Variants in COX10 observed in about 807,000 individuals in gnomAD.
COX10 encodes cytochrome c oxidase assembly factor heme A:farnesyltransferase COX10, also known as protoheme IX farnesyltransferase, mitochondrial.
COX10 carries 27 observed loss-of-function variants against 37.3 expected under a neutral mutation model. The ratio of observed to expected loss-of-function variants is 0.72; its 90% CI spans 0.53 to 1.00. The LOEUF (loss-of-function observed/expected upper bound fraction) is 1.00, where lower values mean the gene tolerates loss of function less well. Ranked by LOEUF, COX10 falls within the 50% of genes least tolerant of loss-of-function variation. The pLI is 0.00. For missense variants in COX10, 475 were observed against 563.2 expected (o/e 0.84, Z 1.59); for synonymous variants, 222 against 229.1 (o/e 0.97, Z 0.28).
intron 6 of COX10, among the ~76,000 whole-genome samples, chr17:14,193,716 G>A (rs986943701): frequency 4.0e-5 from 6 of 148,734 alleles, no homozygotes; most frequent in African/African-American, 1.5e-4. Context: ...CACACCACCA[G>A]CCCTCCTGCT....
rs1159304522 is a variant in COX10, at chr17:14,076,810, G to A, written c.253G>A (p.Glu85Lys). ...AGAACCAGTAGCATCTCCTTTCCTT[G>A]AAAAAACATCTTCAGGTCAAGCCAA... ...KPEPVASPFL[E>K]KTSSGQAKAE... is the part of the protein sequence containing the mutation. The change falls in exon 3 of 7, where the codon GAA becomes AAA. Residue 85 changes from glutamate to lysine, a missense_variant. By Grantham distance (56) the Glu-to-Lys change is moderately conservative. Transcript: ENST00000261643. 1 of 1,614,036 alleles carries A rather than the reference G, an allele frequency of 6.2e-7. No individual in the cohort carries two copies. Among genetic ancestry groups the A allele is most frequent in the South Asian group, 1.1e-5 (1 of 91,072 alleles).
intron 6 of COX10, among the ~76,000 whole-genome samples, chr17:14,192,619 G>A (rs1029910944): frequency 6.6e-5 from 10 of 152,304 alleles, no homozygotes; most frequent in South Asian, 4.1e-4. Context: ...TTCGTCTCAC[G>A]AGCCAGCCTC....
chr17:14,105,165 G>A (rs903732276), intron 4 of COX10, among the ~76,000 whole-genome samples: 6 of 152,084 alleles, frequency 3.9e-5, no homozygotes, highest in African/African-American at 1.4e-4. Flanking sequence ...ATTTTACCTA[G>A]ATTACATATA....
At chr17:14,092,891 C>T (rs1915559480) in intron 3 of COX10, among the ~76,000 whole-genome samples, 2 of 152,132 alleles carry the variant, frequency 1.3e-5, no homozygotes, top group African/African-American at 4.8e-5. Context: ...TAACTCCTTC[C>T]TCTGAATTAA....
At chr17:14,073,401 T>G (rs17609338) in intron 1 of COX10, among the ~76,000 whole-genome samples, 23,101 of 152,098 alleles carry the variant, frequency 0.15, 1,930 homozygotes, top group Non-Finnish European at 0.19. Context: ...AATGGTTTTA[T>G]GTACAATAGG....
At chr17:14,149,824 T>C (rs1036802873) in intron 4 of COX10, among the ~76,000 whole-genome samples, 4 of 152,146 alleles carry the variant, frequency 2.6e-5, no homozygotes, top group Non-Finnish European at 4.4e-5. Context: ...CCCATTTTCC[T>C]TTGAGCTAGT....
chr17:14,078,083 G>A (rs1567585964), intron 3 of COX10, among the ~76,000 whole-genome samples: 2 of 152,104 alleles, frequency 1.3e-5, no homozygotes, highest in African/African-American at 4.8e-5. Context: ...GAGCTAAAAA[G>A]TCTTAGTAAG....
At chr17:14,161,303 A>G (rs1451708532) in intron 5 of COX10, among the ~76,000 whole-genome samples, 1 of 152,230 alleles carries the variant, frequency 6.6e-6, no homozygotes, top group East Asian at 1.9e-4. Context: ...CAAAATTCCT[A>G]AAGTCTAGAA....
chr17:14,204,420 C>G (rs1007483392), intron 6 of COX10, among the ~76,000 whole-genome samples: 5 of 151,914 alleles, frequency 3.3e-5, no homozygotes, highest in African/African-American at 1.2e-4. Context: ...ATCCATAAGC[C>G]CAGGATCCAT....
intron 6 of COX10, among the ~76,000 whole-genome samples, chr17:14,201,577 C>A (rs1597549472): frequency 6.6e-6 from 1 of 152,174 alleles, no homozygotes; most frequent in Admixed American, 6.5e-5. Context: ...AAAAGGAGGG[C>A]TTTTGAGAAA....
intron 5 of COX10, among the ~76,000 whole-genome samples, chr17:14,184,337 C>CA (rs1456463071): frequency 6.6e-6 from 1 of 152,100 alleles, no homozygotes; most frequent in Non-Finnish European, 1.5e-5. Flanking sequence ...GAATGCAGAC[C>CA]ACCTGATCCT....
intron 4 of COX10, among the ~76,000 whole-genome samples, chr17:14,152,716 G>T (rs75822465): frequency 1.2e-4 from 18 of 152,306 alleles, no homozygotes; most frequent in African/African-American, 4.1e-4. Context: ...ACTAGACCAC[G>T]TGGCTGTCTC....
At chr17:14,119,730 A>G (rs1916190039) in intron 4 of COX10, among the ~76,000 whole-genome samples, 1 of 152,196 alleles carries the variant, frequency 6.6e-6, no homozygotes, top group African/African-American at 2.4e-5. Context: ...AGCGTGGTTT[A>G]GAAAAACTGA....
chr17:14,103,327 G>A (rs749624615), intron 4 of COX10, among the ~76,000 whole-genome samples: 2 of 152,034 alleles, frequency 1.3e-5, no homozygotes, highest in Non-Finnish European at 2.9e-5. Flanking sequence ...AGCAATATAA[G>A]CCAAATTGAT....
chr17:14,119,260 T>C (rs1916178915), intron 4 of COX10, among the ~76,000 whole-genome samples: 1 of 152,190 alleles, frequency 6.6e-6, no homozygotes, highest in South Asian at 2.1e-4. Flanking sequence ...CTAATGTTTA[T>C]GGAGAGTTCA....
At chr17:14,096,548 T>G (rs546236426) in intron 3 of COX10, among the ~76,000 whole-genome samples, 2 of 151,980 alleles carry the variant, frequency 1.3e-5, no homozygotes, top group Non-Finnish European at 1.5e-5. Flanking sequence ...CTAATTTAGT[T>G]TTTGTAGAAC....
chr17:14,113,737 A>G (rs1016006015), intron 4 of COX10, among the ~76,000 whole-genome samples: 6 of 152,164 alleles, frequency 3.9e-5, no homozygotes, highest in African/African-American at 1.4e-4. Flanking sequence ...CAGAGACTCA[A>G]AATTGCTTCA....
At chr17:14,146,264 A>G (rs1030704048) in intron 4 of COX10, among the ~76,000 whole-genome samples, 4 of 152,164 alleles carry the variant, frequency 2.6e-5, no homozygotes, top group Non-Finnish European at 4.4e-5. Context: ...GAGCTATAGT[A>G]ACCAAAACAG....
intron 4 of COX10, among the ~76,000 whole-genome samples, chr17:14,130,555 T>A (rs1164298370): frequency 6.6e-6 from 1 of 152,140 alleles, no homozygotes; most frequent in Non-Finnish European, 1.5e-5. Context: ...CTCTTTCATA[T>A]GTAAACTGAG....
Sources: gnomAD v4.1 joint callset for allele counts (sites outside exome capture counted in the v4.1 genomes callset) on GRCh38, gnomAD v4.1.1 for gene constraint, MANE v1.5 for transcripts, NCBI Gene and HGNC (gene_info 2026-07-23, HGNC 2026-07-21) for gene names.